Variants in FAM53B observed in about 807,000 individuals in gnomAD.
The protein encoded by FAM53B is protein FAM53B.
FAM53B carries 12 observed loss-of-function variants against 32.7 expected under a neutral mutation model. That is an observed-to-expected ratio of 0.37 (90% CI 0.24 to 0.59). The LOEUF (loss-of-function observed/expected upper bound fraction) is 0.59, where lower values mean the gene tolerates loss of function less well. Ranked by LOEUF, FAM53B falls within the 20% of genes least tolerant of loss-of-function variation. FAM53B has a pLI of 0.72. For synonymous variants in FAM53B, 234 were observed against 228.7 expected (o/e 1.02, Z -0.21); for missense variants, 477 against 577.7 (o/e 0.83, Z 1.79).
intron 3 of FAM53B, among the ~76,000 whole-genome samples, chr10:124,683,551 C>A (rs1385922300): frequency 2.0e-5 from 3 of 152,180 alleles, no homozygotes; most frequent in Non-Finnish European, 4.4e-5. Context: ...GCTGTGTAAT[C>A]CACACAGCCC....
intron 1 of FAM53B, among the ~76,000 whole-genome samples, chr10:124,709,583 T>G (rs1589759017): frequency 2.0e-5 from 3 of 152,046 alleles, no homozygotes; most frequent in African/African-American, 7.3e-5. Context: ...TCATCGGAGG[T>G]AGGCCTTAAA....
Position 124,638,609 on chromosome 10 carries a change from C to T in FAM53B, c.907-15005G>A, listed in dbSNP as rs529812172. Among the ~76,000 whole-genome samples, 6 of 152,302 alleles carry T rather than the reference C, an allele frequency of 3.9e-5. No homozygotes were observed. The East Asian group carries it at 1.2e-3, about 29-fold the overall frequency. ...TGACCCACGTTGCCCACGAGCAGCCCCAGGCAGACACAGCACAAGGAGGAC... is the reference window on the plus strand; with the variant it reads ...TGACCCACGTTGCCCACGAGCAGCCTCAGGCAGACACAGCACAAGGAGGAC... On this transcript the variant is annotated intron_variant, in intron 4 of 4. Transcript: ENST00000337318.
chr10:124,729,696 A>C (rs950053966), intron 1 of FAM53B, among the ~76,000 whole-genome samples: 2 of 152,170 alleles, frequency 1.3e-5, no homozygotes, highest in Non-Finnish European at 2.9e-5. Context: ...AATGGACTGG[A>C]CTCCTGACTG....
intron 4 of FAM53B, among the ~76,000 whole-genome samples, chr10:124,654,124 TC>T (rs1324224499): frequency 5.9e-5 from 9 of 152,330 alleles, no homozygotes; most frequent in African/African-American, 2.2e-4. Flanking sequence ...TCAGGTGCTA[TC>T]CTAAAGAAAG....
At chr10:124,705,367 T>C (rs1949947688) in intron 2 of FAM53B, among the ~76,000 whole-genome samples, 1 of 152,234 alleles carries the variant, frequency 6.6e-6, no homozygotes. Flanking sequence ...GCTGCCTCAT[T>C]TGTAAAACAA....
intron 4 of FAM53B, among the ~76,000 whole-genome samples, chr10:124,664,841 C>T (rs1292785405): frequency 6.6e-6 from 1 of 152,146 alleles, no homozygotes; most frequent in Non-Finnish European, 1.5e-5. Flanking sequence ...TCCCCATCCT[C>T]TCACTGCGTG....
At position 124,647,920 on chromosome 10, in the gene FAM53B, T is replaced by A. The variant is rs149277001; in HGVS notation, c.907-24316A>T. Reference sequence around the variant, plus strand: ...TGCATGAAGCAGGTCAGTAGCCACATGGAGCTATCAGCCAGCAGAGGGCTC... The same window carrying A: ...TGCATGAAGCAGGTCAGTAGCCACAAGGAGCTATCAGCCAGCAGAGGGCTC... On this transcript the variant is annotated intron_variant, in intron 4 of 4. Coordinates refer to ENST00000337318, the MANE Select transcript of FAM53B (RefSeq NM_014661.4). Among the ~76,000 whole-genome samples, 350 of 152,284 alleles carry A rather than the reference T, an allele frequency of 2.3e-3. 1 individual carries two copies. Among genetic ancestry groups the A allele is most frequent in the African/African-American group, 8.1e-3 (335 of 41,546 alleles).
At position 124,696,185 on chromosome 10, in the gene FAM53B, G is replaced by C. The variant is rs1223956352; in HGVS notation, c.106C>G (p.Pro36Ala). Residue 36 changes from proline to alanine, a missense_variant, in exon 3 of 5, where the codon CCT (proline) becomes GCT (alanine). This residue lies in a region of FAM53B where 312 missense variants were observed against 420.2 expected (regional missense o/e 0.74). Coordinates refer to ENST00000337318, the MANE Select transcript of FAM53B (RefSeq NM_014661.4). ...ATAATTCCACAAGAGAAAAGTGTAG[G>C]TCCTTGACTCATCTTCTTTGGCGTG... ...LHTPKKMSQG[P>A]TLFSCGIMEN... The C allele has an allele frequency of 8.1e-6, 13 of 1,613,752 alleles. No homozygotes were observed. The highest frequency in any genetic ancestry group is 1.0e-5 in the Non-Finnish European group (12 of 1,179,922).
intron 4 of FAM53B, among the ~76,000 whole-genome samples, chr10:124,672,210 C>A (rs1399588301): frequency 2.0e-5 from 3 of 152,258 alleles, no homozygotes; most frequent in Admixed American, 2.0e-4. Flanking sequence ...CCCGGTCAGG[C>A]ACCAGCCGTG....
chr10:124,680,427 T>C (rs767179306), intron 4 of FAM53B, among the ~76,000 whole-genome samples: 1 of 152,176 alleles, frequency 6.6e-6, no homozygotes, highest in Non-Finnish European at 1.5e-5. Flanking sequence ...CTTTTCTGGG[T>C]AGACCTCTAT....
chr10:124,620,362 C>CA lies in FAM53B; in HGVS notation c.*2879_*2880insT, dbSNP rs1049509754. 30 of 146,360 alleles carry CA rather than the reference C, an allele frequency of 2.0e-4. No individual in the cohort carries two copies. Among genetic ancestry groups the CA allele is most frequent in the African/African-American group, 6.8e-4 (27 of 39,812 alleles). 9.1% of individuals were successfully genotyped at this position (146,360 alleles called of 1,614,324 possible). ...GGGTGCATGTGGCACTAAGCCCCCCCCACCGCCCCGGCTTTCCTGCAGGCT... is the reference window on the plus strand; with the variant it reads ...GGGTGCATGTGGCACTAAGCCCCCCCACACCGCCCCGGCTTTCCTGCAGGCT... On this transcript the variant is annotated 3_prime_UTR_variant, in exon 5 of 5. Coordinates refer to ENST00000337318, the MANE Select transcript of FAM53B (RefSeq NM_014661.4).
intron 2 of FAM53B, among the ~76,000 whole-genome samples, chr10:124,699,369 G>A (rs1374981827): frequency 2.0e-5 from 3 of 152,304 alleles, no homozygotes; most frequent in Non-Finnish European, 2.9e-5. Context: ...TCCCAAAATC[G>A]CTGGCCTCAC....
intron 4 of FAM53B, among the ~76,000 whole-genome samples, chr10:124,680,365 G>C (rs949822301): frequency 1.3e-5 from 2 of 152,204 alleles, no homozygotes; most frequent in African/African-American, 4.8e-5. Flanking sequence ...TGGCCAGAAA[G>C]TTTGGACTCT....
At chr10:124,656,868 A>T (rs145613910) in intron 4 of FAM53B, among the ~76,000 whole-genome samples, 57 of 151,920 alleles carry the variant, frequency 3.8e-4, no homozygotes, top group Non-Finnish European at 6.9e-4. Flanking sequence ...GAAGGGGAAC[A>T]TCACACACCG....
chr10:124,740,163 C>G (rs1950192406), intron 1 of FAM53B, among the ~76,000 whole-genome samples: 1 of 152,136 alleles, frequency 6.6e-6, no homozygotes, highest in African/African-American at 2.4e-5. Flanking sequence ...TGCTCAGGAT[C>G]TCAGAGAACT....
chr10:124,730,263 T>C (rs991292231), intron 1 of FAM53B, among the ~76,000 whole-genome samples: 4 of 152,046 alleles, frequency 2.6e-5, no homozygotes, highest in African/African-American at 9.7e-5. Context: ...TACATAAAAA[T>C]GGGATTTCTG....
intron 1 of FAM53B, among the ~76,000 whole-genome samples, chr10:124,743,686 G>GCGCC (rs1352691933): frequency 1.3e-5 from 2 of 151,880 alleles, no homozygotes; most frequent in African/African-American, 4.8e-5. Context: ...AGCAGTCCCC[G>GCGCC]CGCCCGCCCG....
intron 3 of FAM53B, among the ~76,000 whole-genome samples, chr10:124,688,820 A>G (rs1949816935): frequency 6.6e-6 from 1 of 152,160 alleles, no homozygotes; most frequent in South Asian, 2.1e-4. Context: ...CTACCCTTAA[A>G]TTTGAAGGAA....
At chr10:124,652,044 C>G (rs1197312144) in intron 4 of FAM53B, among the ~76,000 whole-genome samples, 2 of 152,200 alleles carry the variant, frequency 1.3e-5, no homozygotes, top group East Asian at 3.9e-4. Context: ...AATTTCAAAG[C>G]CAACATCAAA....
Sources: allele counts gnomAD v4.1 joint callset (sites outside exome capture counted in the v4.1 genomes callset), GRCh38; gene constraint gnomAD v4.1.1; regional missense constraint gnomAD v4.1.1; transcripts MANE v1.5; gene names NCBI Gene and HGNC (gene_info 2026-07-23, HGNC 2026-07-21).